Variants in NUP58 observed in about 807,000 individuals in gnomAD.
The protein encoded by NUP58 is nucleoporin 58.
In NUP58, 17 loss-of-function variants were observed where a neutral mutation model predicts 70.1. The ratio of observed to expected loss-of-function variants is 0.24; its 90% confidence interval spans 0.17 to 0.36. The LOEUF (loss-of-function observed/expected upper bound fraction) is 0.36, where lower values mean the gene tolerates loss of function less well. Among genes scored for constraint, NUP58 ranks in the 10% least tolerant of loss-of-function variants. The probability of loss-of-function intolerance (pLI) is 1.00; values close to 1 mark genes in which losing one functional copy is unlikely to be tolerated. For synonymous variants in NUP58, 275 were observed against 257.6 expected (o/e 1.07, Z -0.65); for missense variants, 644 against 701.5 (o/e 0.92, Z 0.93).
chr13:25,319,941 G>A (rs2031111112), intron 7 of NUP58, among the ~76,000 whole-genome samples: 1 of 152,062 alleles, frequency 6.6e-6, no homozygotes, highest in Admixed American at 6.5e-5. Flanking sequence ...ATCTGCATAA[G>A]GGTTATGAAA....
intron 10 of NUP58, 54 bp from the exon 11 acceptor site, chr13:25,326,859 ATTT>A: frequency 2.2e-6 from 2 of 927,888 alleles, no homozygotes; most frequent in Non-Finnish European, 3.4e-6. Context: ...CTTAATTTGG[ATTT>A]GTCACTCCAA....
chr13:25,321,723 T>C (rs2031193802), intron 9 of NUP58, among the ~76,000 whole-genome samples: 1 of 152,054 alleles, frequency 6.6e-6, no homozygotes, highest in Non-Finnish European at 1.5e-5. Flanking sequence ...TCGAGACCAG[T>C]CTGACCAACA....
intron 3 of NUP58, among the ~76,000 whole-genome samples, chr13:25,312,475 C>T (rs2030716744): frequency 6.6e-6 from 1 of 152,192 alleles, no homozygotes; most frequent in Non-Finnish European, 1.5e-5. Context: ...TCAAGTGACT[C>T]TCGTACCTCA....
chr13:25,305,401 C>A (rs2030297672), intron 1 of NUP58, among the ~76,000 whole-genome samples: 1 of 151,982 alleles, frequency 6.6e-6, no homozygotes, highest in African/African-American at 2.4e-5. Flanking sequence ...AGCTTCTGGG[C>A]TCAAGCAGTC....
chr13:25,305,146 T>TTGTTTG (rs1555253620), intron 1 of NUP58, among the ~76,000 whole-genome samples: 595 of 41,708 alleles, frequency 0.014, 28 homozygotes, highest in Non-Finnish European at 0.037. Flanking sequence ...TTTTTTTTTT[T>TTGTTTG]TTTTTTTTTT....
intron 6 of NUP58, among the ~76,000 whole-genome samples, chr13:25,318,567 A>G (rs1269108621): frequency 6.6e-6 from 1 of 152,204 alleles, no homozygotes; most frequent in Non-Finnish European, 1.5e-5. Context: ...AGAAATATAT[A>G]AGAAAAATAC....
chr13:25,319,683 A>T (rs2031097565), intron 7 of NUP58, among the ~76,000 whole-genome samples: 1 of 152,100 alleles, frequency 6.6e-6, no homozygotes, highest in South Asian at 2.1e-4. Context: ...TGGAGCATTT[A>T]AAAAATATAT....
At chr13:25,318,761 G>A (rs768629407) in intron 6 of NUP58, among the ~76,000 whole-genome samples, 11 of 152,180 alleles carry the variant, frequency 7.2e-5, no homozygotes, top group Non-Finnish European at 1.6e-4. Context: ...TTGTGAGGGT[G>A]TGATAAGGTA....
At chr13:25,303,284 A>C (rs1183283535) in intron 1 of NUP58, 3 of 365,068 alleles carry the variant, frequency 8.2e-6, no homozygotes, top group African/African-American at 4.3e-5. Flanking sequence ...ACCTCTGGGG[A>C]CTCATCTTGA....
chr13:25,333,788 T>C (rs2031691522), intron 13 of NUP58: 1 of 985,414 alleles, frequency 1.0e-6, no homozygotes, highest in Non-Finnish European at 1.2e-6. Flanking sequence ...TGTTTTTAAG[T>C]GCCAGTAACA....
At chr13:25,323,085 A>C (rs887599161) in intron 9 of NUP58, among the ~76,000 whole-genome samples, 1 of 152,202 alleles carries the variant, frequency 6.6e-6, no homozygotes, top group Admixed American at 6.6e-5. Flanking sequence ...TGGGCACATT[A>C]ATAGTCTTTT....
chr13:25,332,618 T>TA (rs1566070014), intron 13 of NUP58: 1 of 985,318 alleles, frequency 1.0e-6, no homozygotes, highest in Admixed American at 6.2e-5. Context: ...ATTGGCAGTT[T>TA]AAAAAATTGT....
chr13:25,310,592 GCCTCAAGCCA>G (rs1261946098), intron 3 of NUP58, among the ~76,000 whole-genome samples: 1 of 130,010 alleles, frequency 7.7e-6, no homozygotes, highest in East Asian at 2.5e-4. Flanking sequence ...TGGACTCCTA[GCCTCAAGCCA>G]CGTGCCCTCT....
At chr13:25,317,478 A>G (rs917665836) in intron 6 of NUP58, among the ~76,000 whole-genome samples, 1 of 152,202 alleles carries the variant, frequency 6.6e-6, no homozygotes, top group Non-Finnish European at 1.5e-5. Flanking sequence ...AGCTAGGTAG[A>G]TTAATTGGGG....
intron 14 of NUP58, 26 bp from the exon 15 acceptor site, chr13:25,338,610 A>G: frequency 1.1e-5 from 17 of 1,540,926 alleles, no homozygotes; most frequent in Non-Finnish European, 1.5e-5. Context: ...GTGCCATTGT[A>G]TATTTTTCTA....
intron 12 of NUP58, among the ~76,000 whole-genome samples, chr13:25,331,093 T>A (rs1449891601): frequency 6.6e-6 from 1 of 152,208 alleles, no homozygotes; most frequent in East Asian, 1.9e-4. Context: ...AAAGCTTAGC[T>A]GATTTATTTT....
chr13:25,312,249 A>T (rs558183977), intron 3 of NUP58, among the ~76,000 whole-genome samples: 1 of 152,312 alleles, frequency 6.6e-6, no homozygotes, highest in African/African-American at 2.4e-5. Flanking sequence ...TTGATAGAGT[A>T]TTAGAGAGGA....
chr13:25,332,400 T>G, intron 13 of NUP58: 61 of 985,394 alleles, frequency 6.2e-5, no homozygotes, highest in Non-Finnish European at 7.4e-5. Context: ...GTTTGAAGCT[T>G]GACATGGAAA....
chr13:25,310,818 T>C (rs1196031381), intron 3 of NUP58, among the ~76,000 whole-genome samples: 1 of 152,192 alleles, frequency 6.6e-6, no homozygotes, highest in Non-Finnish European at 1.5e-5. Context: ...TTCATACATT[T>C]CTTTATTTAA....
Sources: gnomAD v4.1 joint callset for allele counts (sites outside exome capture counted in the v4.1 genomes callset) on GRCh38, gnomAD v4.1.1 for gene constraint, MANE v1.5 for transcripts, NCBI Gene and HGNC (gene_info 2026-07-23, HGNC 2026-07-21) for gene names.